The following ERG variants were observed in gnomAD, a reference collection of about 807,000 sequenced individuals.
ERG encodes the protein ETS transcription factor ERG.
ERG carries 9 observed loss-of-function variants against 55.3 expected under a neutral mutation model. That is an observed-to-expected ratio of 0.16 (90% CI 0.10 to 0.28). The LOEUF (loss-of-function observed/expected upper bound fraction) is 0.28, where lower values mean the gene tolerates loss of function less well. ERG is among the 10% of genes least tolerant of loss of function. ERG has a pLI of 1.00. For missense variants in ERG, 434 were observed against 631.6 expected, an observed-to-expected ratio of 0.69 and a Z score of 3.35; for synonymous variants, 223 against 237.3, an observed-to-expected ratio of 0.94 and a Z score of 0.55.
intron 1 of ERG, among the ~76,000 whole-genome samples, chr21:38,492,169 A>G (rs1263194921): frequency 6.6e-6 from 1 of 152,222 alleles, no homozygotes; most frequent in Non-Finnish European, 1.5e-5. Context: ...TGTGACTTGT[A>G]TAAGATACTT....
At chr21:38,553,511 G>A (rs1180124483) in intron 2 of ERG, among the ~76,000 whole-genome samples, 1 of 152,104 alleles carries the variant, frequency 6.6e-6, no homozygotes, top group African/African-American at 2.4e-5. Flanking sequence ...CTAGATTAGA[G>A]AACCCAGAAG....
At chr21:38,639,062 C>A (rs751055628) in intron 1 of ERG, among the ~76,000 whole-genome samples, 5 of 152,172 alleles carry the variant, frequency 3.3e-5, no homozygotes, top group African/African-American at 1.2e-4. Context: ...CTTTCCACAG[C>A]TGACAACAGC....
intron 1 of ERG, among the ~76,000 whole-genome samples, chr21:38,465,066 G>A (rs1389875991): frequency 1.3e-5 from 2 of 152,198 alleles, no homozygotes; most frequent in African/African-American, 2.4e-5. Context: ...GCAAGCCCCA[G>A]TGCAACATGG....
chr21:38,658,002 A>G (rs1195800376), intron 1 of ERG, among the ~76,000 whole-genome samples: 1 of 152,114 alleles, frequency 6.6e-6, no homozygotes, highest in Non-Finnish European at 1.5e-5. Context: ...ACATCAGCCT[A>G]TTTTTCTTAC....
chr21:38,592,617 T>C (rs1190226345), intron 1 of ERG, among the ~76,000 whole-genome samples: 2 of 149,466 alleles, frequency 1.3e-5, no homozygotes, highest in African/African-American at 5.1e-5. Context: ...GCTTTTCCTA[T>C]GTAAACTGCT....
At chr21:38,389,642 T>A (rs1176749232) in intron 9 of ERG, among the ~76,000 whole-genome samples, 1 of 150,574 alleles carries the variant, frequency 6.6e-6, no homozygotes, top group Admixed American at 6.7e-5. Flanking sequence ...GGCTACTAGA[T>A]GAAAGCCAGC....
At chr21:38,637,431 G>A (rs2060396288) in intron 1 of ERG, among the ~76,000 whole-genome samples, 1 of 152,180 alleles carries the variant, frequency 6.6e-6, no homozygotes. Flanking sequence ...CTATTGTGGT[G>A]AAATGAGTGA....
intron 2 of ERG, among the ~76,000 whole-genome samples, chr21:38,514,889 T>C (rs904332356): frequency 6.6e-6 from 1 of 151,966 alleles, no homozygotes; most frequent in Non-Finnish European, 1.5e-5. Context: ...TAAATGAGTT[T>C]TAAAAGTTTG....
downstream of ERG, among the ~76,000 whole-genome samples, chr21:38,379,821 C>A (rs1987343439): frequency 6.6e-6 from 1 of 152,142 alleles, no homozygotes; most frequent in African/African-American, 2.4e-5. Flanking sequence ...CAGCCTTGAA[C>A]TCCTGGGACT....
upstream of ERG, among the ~76,000 whole-genome samples, chr21:38,589,273 T>TA (rs1568934360): frequency 6.6e-6 from 1 of 152,144 alleles, no homozygotes; most frequent in East Asian, 1.9e-4. Context: ...CCACCAGCAA[T>TA]GCCAAGGACA....
chr21:38,596,196 G>A (rs1221182071), intron 1 of ERG, among the ~76,000 whole-genome samples: 1 of 152,326 alleles, frequency 6.6e-6, no homozygotes, highest in East Asian at 1.9e-4. Context: ...AGCAGTGCAA[G>A]GTGCAGGCAG....
At chr21:38,449,514 G>A (rs1339904499) in intron 1 of ERG, among the ~76,000 whole-genome samples, 2 of 152,050 alleles carry the variant, frequency 1.3e-5, no homozygotes, top group African/African-American at 4.8e-5. Flanking sequence ...GTCCCACCAG[G>A]TTATATTTCA....
intron 9 of ERG, among the ~76,000 whole-genome samples, chr21:38,386,607 A>G (rs1987701389): frequency 6.6e-6 from 1 of 152,238 alleles, no homozygotes; most frequent in Non-Finnish European, 1.5e-5. Flanking sequence ...ATTTTAGAAT[A>G]TAGAATAGAG....
At chr21:38,653,636 C>T (rs887114616) in intron 1 of ERG, among the ~76,000 whole-genome samples, 2 of 152,154 alleles carry the variant, frequency 1.3e-5, no homozygotes, top group African/African-American at 4.8e-5. Context: ...AAAATTCAAG[C>T]ATGCCACTAA....
At chr21:38,555,821 T>C (rs1284855451) in intron 2 of ERG, among the ~76,000 whole-genome samples, 3 of 152,172 alleles carry the variant, frequency 2.0e-5, no homozygotes, top group African/African-American at 4.8e-5. Context: ...TTGGCAGATA[T>C]TGGGGAAACA....
chr21:38,512,013 A>G (rs1271464503), intron 2 of ERG, among the ~76,000 whole-genome samples: 7 of 152,250 alleles, frequency 4.6e-5, no homozygotes, highest in Non-Finnish European at 8.8e-5. Flanking sequence ...GTGTGTGTGC[A>G]CTGTGTGCAT....
At chr21:38,430,389 C>T (rs1210236526) in intron 2 of ERG, among the ~76,000 whole-genome samples, 1 of 152,136 alleles carries the variant, frequency 6.6e-6, no homozygotes, top group African/African-American at 2.4e-5. Flanking sequence ...ATTTCTTTTG[C>T]TGTGAAGAAA....
intron 2 of ERG, among the ~76,000 whole-genome samples, chr21:38,535,277 G>T (rs914459077): frequency 7.2e-5 from 11 of 152,168 alleles, no homozygotes; most frequent in Admixed American, 2.0e-4. Flanking sequence ...GTGGGAGCAT[G>T]CAGAACACGG....
At chr21:38,463,735 G>T (rs941352392) in intron 1 of ERG, among the ~76,000 whole-genome samples, 5 of 152,206 alleles carry the variant, frequency 3.3e-5, no homozygotes, top group Non-Finnish European at 7.4e-5. Context: ...GAGCTGGGGA[G>T]GGCCCAGGGT....
Sources: gnomAD v4.1 joint callset for allele counts (sites outside exome capture counted in the v4.1 genomes callset) on GRCh38, gnomAD v4.1.1 for gene constraint, MANE v1.5 for transcripts, NCBI Gene and HGNC (gene_info 2026-07-23, HGNC 2026-07-21) for gene names.